The following DRD3 variants were observed in gnomAD, a reference collection of about 807,000 sequenced individuals.
DRD3 encodes the protein D(3) dopamine receptor.
Under a neutral mutation model 36.3 loss-of-function variants are expected in DRD3, and 19 were observed. The observed-to-expected ratio is 0.52, with a 90% confidence interval of 0.36 to 0.77. DRD3 has a LOEUF of 0.77. DRD3 is among the 30% of genes least tolerant of loss of function. The probability of loss-of-function intolerance (pLI) is 0.00; values close to 1 mark genes in which losing one functional copy is unlikely to be tolerated. For synonymous variants in DRD3, 195 were observed against 203.7 expected (o/e 0.96, Z 0.36); for missense variants, 465 against 505.3 (o/e 0.92, Z 0.77).
intron 2 of DRD3, among the ~76,000 whole-genome samples, chr3:114,161,543 C>G (rs1048517741): frequency 6.6e-6 from 1 of 152,068 alleles, no homozygotes; most frequent in African/African-American, 2.4e-5. Flanking sequence ...TTGAGAAACC[C>G]TGACCAATGA....
chr3:114,150,494 A>G (rs2077607002), intron 3 of DRD3, among the ~76,000 whole-genome samples: 1 of 152,166 alleles, frequency 6.6e-6, no homozygotes, highest in African/African-American at 2.4e-5. Flanking sequence ...TCTTCTTACA[A>G]CCTTGATATT....
intron 5 of DRD3, among the ~76,000 whole-genome samples, chr3:114,139,082 A>T (rs1336576260): frequency 6.6e-6 from 1 of 152,200 alleles, no homozygotes. Context: ...TCCAGTAAGG[A>T]AAAAAGGCTT....
At chr3:114,131,514 A>T in intron 5 of DRD3, 114 bp from the exon 6 acceptor site, 1 of 1,380,890 alleles carries the variant, frequency 7.2e-7, no homozygotes, top group Non-Finnish European at 9.7e-7. Context: ...CAGTTGTGGG[A>T]AACCTACAAA....
At chr3:114,132,801 C>CA (rs1173070908) in intron 5 of DRD3, among the ~76,000 whole-genome samples, 11 of 152,148 alleles carry the variant, frequency 7.2e-5, no homozygotes, top group African/African-American at 2.7e-4. Context: ...TTAACAACAA[C>CA]AATGACAATA....
chr3:114,184,376 A>C (rs1407387112), intron 1 of DRD3, among the ~76,000 whole-genome samples: 1 of 152,226 alleles, frequency 6.6e-6, no homozygotes, highest in African/African-American at 2.4e-5. Flanking sequence ...AAAACAAAAC[A>C]TGGAGCCACA....
rs1320222034 is a variant in DRD3 at position 114,175,912 on chromosome 3, A to G, written c.-36+2745T>C. The stretch of plus-strand genomic sequence containing the variant: ...GTCAGTCTTTTAAGATTCATTACAT[A>G]TAACACTACTTACACATTTTAATGA... On this transcript the variant is annotated intron_variant, in intron 1 of 6. Transcript: ENST00000383673. 5 of 152,256 alleles carry G rather than the reference A, an allele frequency of 3.3e-5. No homozygotes were observed. The South Asian group carries it at 8.3e-4, about 25-fold the overall frequency. The allele number at this position is 152,256 out of a possible 1,614,324, so 9.4% of individuals were successfully genotyped here.
rs201788253 is a variant in DRD3, at chr3:114,128,883, A to G, written c.1036T>C (p.Phe346Leu). ...TGGGTATTGAGAACATGGGTCAAGA[A>G]GAAGGGCAGCCAGCAGACAATGAAG... The part of the protein sequence containing the change: ...GAFIVCWLPF[F>L]LTHVLNTHCQ... Residue 346 changes from phenylalanine to leucine, a missense_variant, in exon 7 of 7, where the codon TTC (phenylalanine) becomes CTC (leucine). Physicochemically the swap from Phe to Leu is conservative, Grantham distance 22. Coordinates refer to ENST00000383673, the MANE Select transcript of DRD3 (RefSeq NM_000796.6). 3.2e-5 allele frequency: 51 copies of G among 1,607,678 alleles called. No individual in the cohort carries two copies. The highest frequency in any genetic ancestry group is 4.2e-5 in the Non-Finnish European group (49 of 1,176,990).
intron 3 of DRD3, among the ~76,000 whole-genome samples, chr3:114,152,642 G>A (rs1012950869): frequency 9.2e-5 from 14 of 152,222 alleles, no homozygotes; most frequent in Non-Finnish European, 1.8e-4. Context: ...CTGCCAGCAC[G>A]GCTGGGGTGA....
chr3:114,128,443 G>T lies in DRD3; in HGVS notation c.*273C>A, dbSNP rs2077396457. Among the ~76,000 whole-genome samples, 1 of 152,184 alleles carries T rather than the reference G, an allele frequency of 6.6e-6. No homozygotes were observed. The highest frequency in any genetic ancestry group is 6.5e-5 in the Admixed American group (1 of 15,280). ...TGCCTCTGATGACAATTTTGTGTGAGTCATGTTTTATCAGCTTCTTTCTGA... is the reference window on the plus strand; with the variant it reads ...TGCCTCTGATGACAATTTTGTGTGATTCATGTTTTATCAGCTTCTTTCTGA... On this transcript the variant is annotated 3_prime_UTR_variant, in exon 7 of 7. Coordinates refer to ENST00000383673, the MANE Select transcript of DRD3 (RefSeq NM_000796.6).
rs114388605 is a variant in DRD3, at chr3:114,159,713, C to G, written c.383+42G>C. 479 of 1,568,230 alleles carry G rather than the reference C, an allele frequency of 3.1e-4. No individual in the cohort carries two copies. The African/African-American group carries it at 5.9e-3, about 19-fold the overall frequency. On this transcript the variant is annotated intron_variant, in intron 3 of 6. Transcript: ENST00000383673. ...GTGCACAATCTGTCTCTCCCCACTT[C>G]CCCAGCTTTTGGGCCACCTGGAAGG...
intron 1 of DRD3, 136 bp from the exon 2 acceptor site, chr3:114,172,163 G>T: frequency 1.5e-6 from 1 of 650,570 alleles, no homozygotes; most frequent in Non-Finnish European, 2.3e-6. Context: ...TGTGAGAGTT[G>T]GAGATAGAGC....
chr3:114,178,011 T>G (rs2077917641), intron 1 of DRD3, among the ~76,000 whole-genome samples: 1 of 152,210 alleles, frequency 6.6e-6, no homozygotes. Flanking sequence ...TCAATTAAAC[T>G]AAATGCATGA....
chr3:114,195,721 C>A (rs1008620888), intron 1 of DRD3, among the ~76,000 whole-genome samples: 6 of 151,932 alleles, frequency 3.9e-5, no homozygotes, highest in Non-Finnish European at 8.8e-5. Context: ...ATTAGGATAC[C>A]AAAGGGTTAA....
chr3:114,185,615 G>T (rs1253413221), intron 1 of DRD3, among the ~76,000 whole-genome samples: 1 of 150,564 alleles, frequency 6.6e-6, no homozygotes, highest in Non-Finnish European at 1.5e-5. Context: ...GAATAGTTTT[G>T]GTTGATTAAT....
chr3:114,191,340 A>G (rs551033487), intron 1 of DRD3, among the ~76,000 whole-genome samples: 1 of 152,286 alleles, frequency 6.6e-6, no homozygotes, highest in Admixed American at 6.5e-5. Context: ...TCTGAAAGAC[A>G]AGGGGCAGCC....
At chr3:114,179,965 T>C (rs891546055), upstream of DRD3, among the ~76,000 whole-genome samples, 3 of 152,156 alleles carry the variant, frequency 2.0e-5, no homozygotes, top group Non-Finnish European at 4.4e-5. Context: ...GTACTATTTT[T>C]TACCATCCTT....
At chr3:114,182,637 A>G (rs2077954438), upstream of DRD3, among the ~76,000 whole-genome samples, 1 of 151,702 alleles carries the variant, frequency 6.6e-6, no homozygotes, top group South Asian at 2.1e-4. Flanking sequence ...TTTGAGACAG[A>G]GTCTCCGTCT....
intron 3 of DRD3, among the ~76,000 whole-genome samples, chr3:114,153,180 C>A (rs1459970191): frequency 6.6e-6 from 1 of 152,150 alleles, no homozygotes; most frequent in East Asian, 1.9e-4. Context: ...TTTCTAAGAT[C>A]CAATTTTCTC....
chr3:114,183,072 T>TTTGAG (rs1348268410), upstream of DRD3, among the ~76,000 whole-genome samples: 3 of 152,212 alleles, frequency 2.0e-5, no homozygotes, highest in Non-Finnish European at 4.4e-5. Context: ...ACTACCATAC[T>TTTGAG]GTTTTCCACA....
Sources: allele counts gnomAD v4.1 joint callset (sites outside exome capture counted in the v4.1 genomes callset), GRCh38; gene constraint gnomAD v4.1.1; transcripts MANE v1.5; gene names NCBI Gene and HGNC (gene_info 2026-07-23, HGNC 2026-07-21).